The following DISC1 variants were observed in gnomAD, a reference collection of about 807,000 sequenced individuals.
The protein encoded by DISC1 is DISC1 scaffold protein, also known as disrupted in schizophrenia 1 protein.
A neutral mutation model predicts 84.5 loss-of-function variants in DISC1; 57 were observed. The observed-to-expected ratio is 0.67, with a 90% confidence interval of 0.55 to 0.84. The LOEUF is 0.84. Among genes scored for constraint, DISC1 ranks in the 40% least tolerant of loss-of-function variants. The pLI, the probability that DISC1 is intolerant of heterozygous loss-of-function variation, is 0.00. For synonymous variants in DISC1, 411 were observed against 415.2 expected, an observed-to-expected ratio of 0.99 and a Z score of 0.12; for missense variants, 1,000 against 1,057.8, an observed-to-expected ratio of 0.95 and a Z score of 0.76.
intron 10 of DISC1, among the ~76,000 whole-genome samples, chr1:231,984,897 T>A (rs12402061): frequency 0.087 from 13,308 of 152,150 alleles, 845 homozygotes; most frequent in East Asian, 0.2. Context: ...AGGAAAAAGC[T>A]TAGCACGGGG....
At chr1:232,021,860 CAG>C (rs1572663137) in intron 11 of DISC1, among the ~76,000 whole-genome samples, 6 of 152,278 alleles carry the variant, frequency 3.9e-5, no homozygotes, top group South Asian at 4.2e-4. Context: ...GACTTGAAGA[CAG>C]GGGCTGGGAC....
In DISC1 at chr1:231,735,556, T is replaced by G. The variant is rs530361093; in HGVS notation, c.1118-14370T>G. 3.9e-5 allele frequency among the ~76,000 whole-genome samples: 6 copies of G among 152,306 alleles called. No homozygotes were observed. The South Asian group carries it at 1.2e-3, about 32-fold the overall frequency. On this transcript the variant is annotated intron_variant, in intron 3 of 12. Transcript: ENST00000439617. ...GAACACAGAGGTTAAGAATATAGGTTTTGGAGTCAGACAGACCTTGGCTTT... is the reference window on the plus strand; with the variant it reads ...GAACACAGAGGTTAAGAATATAGGTGTTGGAGTCAGACAGACCTTGGCTTT...
At chr1:231,974,291 C>G (rs1054577271) in intron 10 of DISC1, among the ~76,000 whole-genome samples, 4 of 152,144 alleles carry the variant, frequency 2.6e-5, no homozygotes, top group Admixed American at 6.5e-5. Flanking sequence ...AAAACAACAA[C>G]AATAACAAAT....
At chr1:231,999,222 T>G (rs1423189311) in intron 10 of DISC1, among the ~76,000 whole-genome samples, 1 of 152,090 alleles carries the variant, frequency 6.6e-6, no homozygotes, top group Non-Finnish European at 1.5e-5. Flanking sequence ...TAAATGCAAT[T>G]CTAAATCCTG....
chr1:231,691,748 C>T (rs199624511), intron 1 of DISC1, among the ~76,000 whole-genome samples: 1 of 152,194 alleles, frequency 6.6e-6, no homozygotes, highest in African/African-American at 2.4e-5. Context: ...CTCTGGAGAA[C>T]GTTTTGCCTG....
intron 1 of DISC1, among the ~76,000 whole-genome samples, chr1:231,644,593 A>G (rs769406508): frequency 3.3e-5 from 5 of 152,254 alleles, no homozygotes; most frequent in Admixed American, 6.5e-5. Context: ...TGGGGCTCCA[A>G]TCTTAGTTGA....
intron 9 of DISC1, among the ~76,000 whole-genome samples, chr1:231,925,369 G>T (rs2090304128): frequency 6.6e-6 from 1 of 152,172 alleles, no homozygotes; most frequent in African/African-American, 2.4e-5. Context: ...GTGGACTGGG[G>T]CTGGAATGGC....
chr1:231,679,546 T>G (rs2063490130), intron 1 of DISC1, among the ~76,000 whole-genome samples: 1 of 152,222 alleles, frequency 6.6e-6, no homozygotes, highest in South Asian at 2.1e-4. Context: ...GAGAAAACAT[T>G]GTTATAACTA....
intron 10 of DISC1, among the ~76,000 whole-genome samples, chr1:231,970,138 T>C (rs1167233910): frequency 6.6e-6 from 1 of 152,212 alleles, no homozygotes; most frequent in Non-Finnish European, 1.5e-5. Flanking sequence ...CTGGGTCAAA[T>C]GGTATTTCTA....
At chr1:231,648,568 T>A (rs182612392) in intron 1 of DISC1, among the ~76,000 whole-genome samples, 9 of 152,360 alleles carry the variant, frequency 5.9e-5, no homozygotes, top group African/African-American at 2.2e-4. Flanking sequence ...GATGCTGGCC[T>A]CATAAAATGA....
chr1:231,916,654 C>CAAAA (rs3083755), intron 9 of DISC1, among the ~76,000 whole-genome samples: 2 of 102,072 alleles, frequency 2.0e-5, no homozygotes, highest in Non-Finnish European at 4.3e-5. Context: ...GACTCCGTCT[C>CAAAA]AAAAAAAAAA....
At chr1:231,879,974 A>G (rs1203225276) in intron 9 of DISC1, among the ~76,000 whole-genome samples, 1 of 152,202 alleles carries the variant, frequency 6.6e-6, no homozygotes, top group Non-Finnish European at 1.5e-5. Context: ...GGTGAGTACT[A>G]TGGTTTGAAT....
In DISC1 at chr1:231,954,606, C is replaced by T. The variant is rs147540221; in HGVS notation, c.1982-4222C>T. 3.4e-4 allele frequency among the ~76,000 whole-genome samples: 52 copies of T among 152,172 alleles called. No individual in the cohort carries two copies. The highest frequency in any genetic ancestry group is 1.1e-3 in the African/African-American group (45 of 41,474). ...TTTGTATTCAGCATTTCTTTGAGCGCCCTCTTTGCTTCTTGGAACCTTGCC... is the reference window on the plus strand; with the variant it reads ...TTTGTATTCAGCATTTCTTTGAGCGTCCTCTTTGCTTCTTGGAACCTTGCC... On this transcript the variant is annotated intron_variant, in intron 9 of 12. Transcript: ENST00000439617. The surrounding 1 kb of genome is among the most constrained non-coding windows in gnomAD (Gnocchi z 4.8).
intron 1 of DISC1, among the ~76,000 whole-genome samples, chr1:231,658,965 G>C (rs1313714472): frequency 6.6e-6 from 1 of 152,042 alleles, no homozygotes. Flanking sequence ...TCTCTGCCAG[G>C]TTTTGGTATC....
At chr1:231,672,240 T>C (rs1403291733) in intron 1 of DISC1, among the ~76,000 whole-genome samples, 1 of 152,240 alleles carries the variant, frequency 6.6e-6, no homozygotes, top group Non-Finnish European at 1.5e-5. Flanking sequence ...ATTTCTGTCA[T>C]CATGTCTGTC....
At chr1:231,958,011 A>T (rs1489650980) in intron 9 of DISC1, among the ~76,000 whole-genome samples, 1 of 152,190 alleles carries the variant, frequency 6.6e-6, no homozygotes, top group Non-Finnish European at 1.5e-5. Context: ...CACAATAACA[A>T]TAATAATACT....
Position 231,701,294 on chromosome 1 carries a change from C to T in DISC1, c.1048-661C>T, listed in dbSNP as rs939955319. On this transcript the variant is annotated intron_variant, in intron 2 of 12. Transcript: ENST00000439617. ...TGATTCAATTACCTCCCACGACATG[C>T]GGGAATTATGGGAGCTACAATTCAA... Among the ~76,000 whole-genome samples the T allele has an allele frequency of 3.9e-5, 6 of 152,098 alleles. No homozygotes were observed. The South Asian group carries it at 1.0e-3, about 26-fold the overall frequency.
intron 12 of DISC1, among the ~76,000 whole-genome samples, chr1:232,033,173 AAT>A (rs1670213991): frequency 6.6e-6 from 1 of 152,196 alleles, no homozygotes; most frequent in African/African-American, 2.4e-5. Context: ...TCTTCTTCTC[AAT>A]AAAATACAGA....
At chr1:231,718,634 C>G (rs1198327874) in intron 3 of DISC1, among the ~76,000 whole-genome samples, 3 of 152,080 alleles carry the variant, frequency 2.0e-5, no homozygotes, top group African/African-American at 2.4e-5. Context: ...CGGGGTTTCT[C>G]CATGTTGGCC....
Sources: gnomAD v4.1 joint callset for allele counts (sites outside exome capture counted in the v4.1 genomes callset) on GRCh38, gnomAD v4.1.1 for gene constraint, Gnocchi (gnomAD v3.1) non-coding constraint, MANE v1.5 for transcripts, NCBI Gene and HGNC (gene_info 2026-07-23, HGNC 2026-07-21) for gene names.